The following SYNE2 variants were observed in gnomAD, a reference collection of about 807,000 sequenced individuals.
The protein encoded by SYNE2 is nesprin-2.
Under a neutral mutation model 856.3 loss-of-function variants are expected in SYNE2, and 431 were observed. The observed-to-expected ratio is 0.50, with a 90% CI of 0.47 to 0.55. The LOEUF is 0.55. Ranked by LOEUF, SYNE2 falls within the 20% of genes least tolerant of loss-of-function variation. SYNE2 has a pLI of 0.00. For synonymous variants in SYNE2, 2,923 were observed against 2,872.3 expected, an observed-to-expected ratio of 1.02 and a Z score of -0.56; for missense variants, 8,129 against 8,023.2, an observed-to-expected ratio of 1.01 and a Z score of -0.50.
intron 76 of SYNE2, among the ~76,000 whole-genome samples, chr14:64,131,568 GTTTGTTTTTGTT>G (rs562924169): frequency 9.2e-5 from 14 of 152,110 alleles, no homozygotes; most frequent in African/African-American, 2.9e-4. Flanking sequence ...TTTTTTGTTT[GTTTGTTTTTGTT>G]TTTGTTTTTG....
At chr14:63,997,238 A>T in intron 24 of SYNE2, 63 bp from the exon 25 acceptor site, 1 of 1,584,638 alleles carries the variant, frequency 6.3e-7, no homozygotes, top group Non-Finnish European at 8.6e-7. Flanking sequence ...AGCGTTAGTC[A>T]TGCTTGTTTA....
chr14:63,805,139 A>G (rs1170577667), intron 1 of SYNE2, among the ~76,000 whole-genome samples: 2 of 152,134 alleles, frequency 1.3e-5, no homozygotes, highest in Non-Finnish European at 2.9e-5. Context: ...GCCTTGTAGG[A>G]TAGTTTGAAG....
intron 1 of SYNE2, among the ~76,000 whole-genome samples, chr14:63,830,444 T>A (rs772926715): frequency 1.3e-5 from 2 of 152,074 alleles, no homozygotes; most frequent in Non-Finnish European, 2.9e-5. Flanking sequence ...GAATCCCTTT[T>A]GTCCAGGAGT....
chr14:64,180,240 G>A (rs367730620), intron 96 of SYNE2, among the ~76,000 whole-genome samples: 13 of 152,202 alleles, frequency 8.5e-5, no homozygotes, highest in African/African-American at 3.1e-4. Flanking sequence ...GCACTTTATT[G>A]TAACACATCT....
chr14:64,199,743 G>T (rs1405461658), intron 99 of SYNE2, among the ~76,000 whole-genome samples: 3 of 148,726 alleles, frequency 2.0e-5, no homozygotes, highest in African/African-American at 5.0e-5. Context: ...AAAAGTACAT[G>T]AGTTGCTAAC....
intron 1 of SYNE2, among the ~76,000 whole-genome samples, chr14:63,867,040 T>C (rs1765669336): frequency 6.6e-6 from 1 of 152,234 alleles, no homozygotes; most frequent in Non-Finnish European, 1.5e-5. Flanking sequence ...TTTGATCCTA[T>C]GTTATAAGCC....
chr14:64,020,661 C>T (rs2096929540), intron 35 of SYNE2, among the ~76,000 whole-genome samples: 1 of 152,040 alleles, frequency 6.6e-6, no homozygotes, highest in African/African-American at 2.4e-5. Flanking sequence ...CTATGTGTTT[C>T]TTGGGTATAG....
chr14:63,782,689 T>A (rs1595105251), intron 1 of SYNE2, among the ~76,000 whole-genome samples: 1 of 151,940 alleles, frequency 6.6e-6, no homozygotes, highest in East Asian at 1.9e-4. Context: ...CTTTTACTTG[T>A]AAGAGAATGC....
In SYNE2 at chr14:63,992,815, A is replaced by G. The variant is rs141469263; in HGVS notation, c.2647-1020A>G. Among the ~76,000 whole-genome samples the G allele has an allele frequency of 1.6e-3, 249 of 152,342 alleles. 1 individual carries two copies. The highest frequency in any genetic ancestry group is 5.7e-3 in the African/African-American group (236 of 41,592). ...AAGTGTGTCCCCAGGTCATAAATCTAGCAGTCCTCAAGGAGGCCTTGGAGG... is the reference window on the plus strand; with the variant it reads ...AAGTGTGTCCCCAGGTCATAAATCTGGCAGTCCTCAAGGAGGCCTTGGAGG... On this transcript the variant is annotated intron_variant, in intron 21 of 115. Transcript: ENST00000555002.
chr14:64,192,911 T>C (rs1054533124), intron 99 of SYNE2, among the ~76,000 whole-genome samples: 6 of 152,234 alleles, frequency 3.9e-5, no homozygotes, highest in African/African-American at 1.4e-4. Flanking sequence ...AGGGCCAGGC[T>C]GAGACAGACA....
chr14:64,078,676 C>A, intron 55 of SYNE2, 70 bp downstream of exon 55: 1 of 1,568,768 alleles, frequency 6.4e-7, no homozygotes, highest in Non-Finnish European at 8.7e-7. Flanking sequence ...TCATCAGTCA[C>A]CACAGGGTGA....
chr14:64,153,639 G>GAGGTACTGTGCTCACTGCCAGGGTT (rs2098263297), intron 85 of SYNE2, among the ~76,000 whole-genome samples: 1 of 152,222 alleles, frequency 6.6e-6, no homozygotes, highest in East Asian at 1.9e-4. Flanking sequence ...TACATTGTGT[G>GAGGTACTGTGCTCACTGCCAGGGTT]AGGTACTGTG....
intron 94 of SYNE2, 134 bp from the exon 95 acceptor site, chr14:64,174,810 T>G: frequency 2.6e-6 from 2 of 771,828 alleles, no homozygotes; most frequent in Non-Finnish European, 4.2e-6. Context: ...GTATGTACAT[T>G]CTGACCCAAT....
chr14:63,833,842 T>G (rs1425725870), intron 1 of SYNE2, among the ~76,000 whole-genome samples: 1 of 151,462 alleles, frequency 6.6e-6, no homozygotes, highest in Non-Finnish European at 1.5e-5. Flanking sequence ...TTTAACCTAG[T>G]CCTAATCACT....
intron 1 of SYNE2, among the ~76,000 whole-genome samples, chr14:63,781,042 C>T (rs1887285454): frequency 6.6e-6 from 1 of 151,994 alleles, no homozygotes; most frequent in Non-Finnish European, 1.5e-5. Flanking sequence ...TTTGGGAGGC[C>T]GAGGTGGGCG....
intron 45 of SYNE2, among the ~76,000 whole-genome samples, chr14:64,045,539 C>T (rs1179255166): frequency 2.0e-5 from 3 of 152,194 alleles, no homozygotes; most frequent in Non-Finnish European, 4.4e-5. Context: ...AAAGCACCTA[C>T]TGGCCAGTGA....
At chr14:63,838,270 G>A (rs888096899) in intron 1 of SYNE2, among the ~76,000 whole-genome samples, 1 of 151,980 alleles carries the variant, frequency 6.6e-6, no homozygotes, top group African/African-American at 2.4e-5. Flanking sequence ...TCTGGGAGGT[G>A]GAGGTTGTAG....
At chr14:63,964,397 C>T (rs1472356671) in intron 10 of SYNE2, among the ~76,000 whole-genome samples, 1 of 152,174 alleles carries the variant, frequency 6.6e-6, no homozygotes, top group Admixed American at 6.5e-5. Flanking sequence ...ACACTATAAC[C>T]CCAGAGTTGA....
intron 2 of SYNE2, among the ~76,000 whole-genome samples, chr14:63,940,014 G>T: frequency 6.6e-6 from 1 of 151,010 alleles, no homozygotes; most frequent in East Asian, 1.9e-4. Flanking sequence ...AGGAACTCCT[G>T]TTGCTGCTCA....
Sources: allele counts gnomAD v4.1 joint callset (sites outside exome capture counted in the v4.1 genomes callset), GRCh38; gene constraint gnomAD v4.1.1; transcripts MANE v1.5; gene names NCBI Gene and HGNC (gene_info 2026-07-23, HGNC 2026-07-21).